SYNE1: variants seen among roughly 807,000 people sequenced by gnomAD.
The protein encoded by SYNE1 is nesprin-1.
Under a neutral mutation model 1,111.0 loss-of-function variants are expected in SYNE1, and 616 were observed. The ratio of observed to expected loss-of-function variants is 0.55; its 90% CI spans 0.52 to 0.59. SYNE1 has a LOEUF of 0.59. SYNE1 is among the 20% of genes least tolerant of loss of function. The pLI is 0.00. For synonymous variants in SYNE1, 3,855 were observed against 3,825.8 expected (o/e 1.01, Z -0.28); for missense variants, 10,006 against 10,417.0 (o/e 0.96, Z 1.72).
At position 152,446,300 on chromosome 6, in the gene SYNE1, G is replaced by A. The variant is rs984880418; in HGVS notation, c.3669+1158C>T. The stretch of plus-strand genomic sequence containing the variant: ...AACAGGCAACTGGCTAAATGTGGCC[G>A]TTGCTTTGAAAGATGGATAATCAAA... On this transcript the variant is annotated intron_variant, in intron 29 of 145. Coordinates refer to ENST00000367255, the MANE Select transcript of SYNE1 (RefSeq NM_182961.4). Among the ~76,000 whole-genome samples the A allele has an allele frequency of 6.6e-5, 10 of 152,104 alleles. No homozygotes were observed. In the South Asian group the frequency reaches 1.4e-3, roughly 22 times the overall value.
chr6:152,216,444 T>C (rs968243592), intron 121 of SYNE1, among the ~76,000 whole-genome samples: 1 of 152,188 alleles, frequency 6.6e-6, no homozygotes, highest in Non-Finnish European at 1.5e-5. Context: ...GAGACTTTCC[T>C]AAGAGAGTGA....
chr6:152,201,790 A>C (rs2075510908), intron 127 of SYNE1, 34 bp downstream of exon 127: 1 of 1,613,860 alleles, frequency 6.2e-7, no homozygotes, highest in Non-Finnish European at 8.5e-7. Context: ...AGAGGCACAC[A>C]GGTGACGGTG....
chr6:152,240,921 T>C (rs1283303736), intron 107 of SYNE1, among the ~76,000 whole-genome samples: 1 of 152,226 alleles, frequency 6.6e-6, no homozygotes, highest in Non-Finnish European at 1.5e-5. Flanking sequence ...TCATTATTTT[T>C]AACCAACAAT....
rs2099013099 is a variant in SYNE1, at chr6:152,498,804, A to G, written c.889-12T>C. 7.0e-7 allele frequency: 1 copy of G among 1,432,430 alleles called. No individual in the cohort carries two copies. Among genetic ancestry groups the G allele is most frequent in the South Asian group, 1.3e-5 (1 of 75,564 alleles). 88.7% of individuals were successfully genotyped at this position (1,432,430 alleles called of 1,614,324 possible). On this transcript the variant is annotated splice_polypyrimidine_tract_variant and intron_variant, in intron 10 of 145. Coordinates refer to ENST00000367255, the MANE Select transcript of SYNE1 (RefSeq NM_182961.4). ...CCTGGAAGTATTTCCTAACAATATG[A>G]AAAGATAATATATAGAAATATAATA... is the stretch of plus-strand genomic sequence containing the variant.
chr6:152,259,117 C>T (rs1179252661), intron 101 of SYNE1, among the ~76,000 whole-genome samples: 2 of 152,098 alleles, frequency 1.3e-5, no homozygotes, highest in Admixed American at 1.3e-4. Flanking sequence ...GTAAATATGC[C>T]AAGCCCATTC....
rs755615185 is a variant in SYNE1 at position 152,232,178 on chromosome 6, C to T, written c.20800G>A (p.Glu6934Lys). 2 of 1,609,654 alleles carry T rather than the reference C, an allele frequency of 1.2e-6. No individual in the cohort carries two copies. Among genetic ancestry groups the T allele is most frequent in the East Asian group, 2.2e-5 (1 of 44,798 alleles). Residue 6934 changes from glutamate to lysine, a missense_variant, in exon 113 of 146, where the codon GAA (glutamate) becomes AAA (lysine). Physicochemically the swap from Glu to Lys is moderately conservative, Grantham distance 56. Coordinates refer to ENST00000367255, the MANE Select transcript of SYNE1 (RefSeq NM_182961.4). ...SLMENVIQKD[E>K]DNIKNSIGYK... ...CCTATGGAATTTTTAATATTATCTT[C>T]ATCCTTCTGAATAACATTTTCCATT...
intron 76 of SYNE1, chr6:152,336,610 G>A: frequency 1.7e-6 from 1 of 589,462 alleles, no homozygotes; most frequent in Non-Finnish European, 3.1e-6. Context: ...AGGAGGTGGA[G>A]TTCAGGCATT....
chr6:152,371,938 G>A lies in SYNE1; in HGVS notation c.9507+1099C>T, dbSNP rs1352485684. 2.1e-5 allele frequency among the ~76,000 whole-genome samples: 3 copies of A among 144,538 alleles called. 1 individual carries two copies. Among genetic ancestry groups the A allele is most frequent in the African/African-American group, 7.8e-5 (3 of 38,342 alleles). 94.8% of individuals were successfully genotyped at this position (144,538 alleles called of 152,430 possible). The stretch of plus-strand genomic sequence containing the variant: ...GAAAGGAAAGGACAGGACAGGACAG[G>A]AAAGGAAAGGAAAGGAAAGGAAAGG... On this transcript the variant is annotated intron_variant, in intron 59 of 145. Transcript: ENST00000367255.
intron 33 of SYNE1, 144 bp from the exon 34 acceptor site, chr6:152,434,089 T>C: frequency 1.4e-6 from 1 of 717,918 alleles, no homozygotes; most frequent in Admixed American, 2.8e-5. Flanking sequence ...AAAAAAAAAA[T>C]TGCACAGTTG....
intron 59 of SYNE1, among the ~76,000 whole-genome samples, chr6:152,370,136 C>T (rs13203258): frequency 0.089 from 13,584 of 151,844 alleles, 1,040 homozygotes; most frequent in African/African-American, 0.21. Context: ...TAGAATTTTT[C>T]CCCCCTAACT....
At chr6:152,608,754 T>C (rs958044864) in intron 3 of SYNE1, among the ~76,000 whole-genome samples, 3 of 152,058 alleles carry the variant, frequency 2.0e-5, no homozygotes, top group African/African-American at 7.3e-5. Context: ...GCCACCACGG[T>C]CAAACCTCAT....
intron 145 of SYNE1, chr6:152,125,526 T>C (rs993748241): frequency 2.4e-6 from 2 of 833,196 alleles, no homozygotes; most frequent in Non-Finnish European, 3.4e-6. Flanking sequence ...TTAAGAAGGA[T>C]AGGATAGCTA....
intron 27 of SYNE1, 73 bp downstream of exon 27, chr6:152,450,552 G>A (rs1282644477): frequency 8.0e-7 from 1 of 1,256,374 alleles, no homozygotes; most frequent in African/African-American, 1.5e-5. Context: ...GTTATTTCTT[G>A]TTTTGTCATG....
chr6:152,312,562 T>C (rs1347493422), intron 87 of SYNE1, among the ~76,000 whole-genome samples: 1 of 148,706 alleles, frequency 6.7e-6, no homozygotes, highest in Non-Finnish European at 1.5e-5. Context: ...AGGATATATA[T>C]ATATAATCTG....
At chr6:152,581,420 A>G (rs2128421820) in intron 3 of SYNE1, among the ~76,000 whole-genome samples, 1 of 152,324 alleles carries the variant, frequency 6.6e-6, no homozygotes, top group South Asian at 2.1e-4. Flanking sequence ...GAATAATGTC[A>G]TTCCAGAAAT....
At chr6:152,414,008 AC>A in intron 41 of SYNE1, among the ~76,000 whole-genome samples, 8 of 41,988 alleles carry the variant, frequency 1.9e-4, no homozygotes, top group African/African-American at 8.8e-4. Flanking sequence ...ATATATATAT[AC>A]TTTTTTTTTT....
intron 4 of SYNE1, among the ~76,000 whole-genome samples, chr6:152,531,353 G>C (rs1036516644): frequency 6.6e-6 from 1 of 152,164 alleles, no homozygotes; most frequent in Non-Finnish European, 1.5e-5. Flanking sequence ...GATGGAAAAG[G>C]TGTTACATTG....
intron 100 of SYNE1, among the ~76,000 whole-genome samples, chr6:152,264,318 C>G (rs963228981): frequency 3.3e-5 from 5 of 149,302 alleles, no homozygotes; most frequent in African/African-American, 1.2e-4. Flanking sequence ...AAAACCGTGT[C>G]ATCTAAAAGG....
chr6:152,557,048 C>T (rs2099367420), intron 3 of SYNE1, among the ~76,000 whole-genome samples: 1 of 152,058 alleles, frequency 6.6e-6, no homozygotes, highest in South Asian at 2.1e-4. Context: ...CACAGAAAGG[C>T]AGCTAACCCA....
Sources: gnomAD v4.1 joint callset for allele counts (sites outside exome capture counted in the v4.1 genomes callset) on GRCh38, gnomAD v4.1.1 for gene constraint, MANE v1.5 for transcripts, NCBI Gene and HGNC (gene_info 2026-07-23, HGNC 2026-07-21) for gene names.